The following FANCA variants were observed in gnomAD, a reference collection of about 807,000 sequenced individuals.
FANCA encodes FA complementation group A.
FANCA carries 236 observed loss-of-function variants against 194.3 expected under a neutral mutation model. The ratio of observed to expected loss-of-function variants is 1.21; its 90% CI spans 1.09 to 1.35. The LOEUF is 1.35. Among genes scored for constraint, FANCA ranks in the 40% most tolerant of loss-of-function variants. The pLI is 0.00. For missense variants in FANCA, 2,628 were observed against 1,813.9 expected (o/e 1.45, Z -8.15); for synonymous variants, 1,014 against 715.8 (o/e 1.42, Z -6.65).
intron 2 of FANCA, among the ~76,000 whole-genome samples, chr16:89,815,591 A>G (rs17232105): frequency 8.8e-4 from 134 of 152,152 alleles, no homozygotes; most frequent in African/African-American, 3.1e-3. Flanking sequence ...CCTGACCCTG[A>G]GTGATCCACC....
In FANCA at chr16:89,775,799, G is replaced by T; in HGVS notation, c.1843C>A (p.Pro615Thr). The change falls in exon 21 of 43, where the codon CCA becomes ACA. Residue 615 changes from proline to threonine, a missense_variant. Physicochemically the swap from Pro to Thr is conservative, Grantham distance 38. Transcript: ENST00000389301. Reference sequence around the variant, plus strand: ...TGGCAGTAGGTGGAGTACAGAGATGGGGGGATTTTATCTGCTCTGGATCAC... The same window carrying T: ...TGGCAGTAGGTGGAGTACAGAGATGTGGGGATTTTATCTGCTCTGGATCAC... ...ESLKRADKIPPSLYSTYCQAC... is the reference protein window; with the variant it reads ...ESLKRADKIPTSLYSTYCQAC... 6.2e-7 allele frequency: 1 copy of T among 1,612,084 alleles called. No individual in the cohort carries two copies. The highest frequency in any genetic ancestry group is 8.5e-7 in the Non-Finnish European group (1 of 1,178,938).
intron 30 of FANCA, among the ~76,000 whole-genome samples, chr16:89,755,903 A>G (rs1410559711): frequency 6.6e-6 from 1 of 150,454 alleles, no homozygotes; most frequent in Non-Finnish European, 1.5e-5. Context: ...CACCTAGGCC[A>G]CACGGCACGG....
intron 11 of FANCA, among the ~76,000 whole-genome samples, chr16:89,793,731 C>A: frequency 6.6e-6 from 1 of 152,000 alleles, no homozygotes; most frequent in Admixed American, 6.6e-5. Context: ...CAGGCGTGTG[C>A]CACCATACCC....
In FANCA at chr16:89,773,276, C is replaced by T. The variant is rs537923341; in HGVS notation, c.2009G>A (p.Arg670His). ...GAGCTCCCATCCATCCTCACCATCA[C>T]GCTGGCTGGGGTCTGTCATGGAGGC... is the stretch of plus-strand genomic sequence containing the variant. ...LRASMTDPSQ[R>H]DVISAQVAVI... Residue 670 changes from arginine to histidine, a missense_variant, in exon 22 of 43, where the codon CGT becomes CAT. Physicochemically the swap from Arg to His is conservative, Grantham distance 29 (BLOSUM62 0). Coordinates refer to ENST00000389301, the MANE Select transcript of FANCA (RefSeq NM_000135.4). 8 of 1,550,186 alleles carry T rather than the reference C, an allele frequency of 5.2e-6. No individual in the cohort carries two copies. In the Admixed American group the frequency reaches 5.9e-5, roughly 11 times the overall value.
At chr16:89,805,762 CTTCT>C (rs1252502297) in intron 6 of FANCA, among the ~76,000 whole-genome samples, 2 of 119,516 alleles carry the variant, frequency 1.7e-5, no homozygotes, top group African/African-American at 3.9e-5. Flanking sequence ...TCCCTTGTGA[CTTCT>C]TTGACTCATT....
chr16:89,749,896 C>T lies in FANCA; in HGVS notation c.3073G>A (p.Val1025Ile). The change falls in exon 32 of 43, where the codon GTA becomes ATA. Residue 1025 changes from valine (V) to isoleucine (I), a missense_variant. Transcript: ENST00000389301. ...TCTTGCTGCAGCTCCAGGTCAGCTA[C>T]CATCTCCTGAAAAAGAGCAGTATGC... Reference protein sequence around the residue: ...EDIISRLQEMVADLELQQDLI... With the variant: ...EDIISRLQEMIADLELQQDLI... 1 of 1,614,070 alleles carries T rather than the reference C, an allele frequency of 6.2e-7. No individual in the cohort carries two copies. Among genetic ancestry groups the T allele is most frequent in the Non-Finnish European group, 8.5e-7 (1 of 1,180,006 alleles).
Position 89,791,156 on chromosome 16 carries a change from A to G in FANCA, c.1359+247T>C, listed in dbSNP as rs991334769. The G allele has an allele frequency of 2.8e-5, 16 of 564,196 alleles. No individual in the cohort carries two copies. In the African/African-American group the frequency reaches 2.8e-4, roughly 10 times the overall value. The allele number at this position is 564,196 out of a possible 1,614,324, so 34.9% of individuals were successfully genotyped here. A position where few individuals can be genotyped will look rare whatever the true frequency, so the allele number is the denominator to read the frequency against. On this transcript the variant is annotated intron_variant, in intron 14 of 42. Coordinates refer to ENST00000389301, the MANE Select transcript of FANCA (RefSeq NM_000135.4). The stretch of plus-strand genomic sequence containing the variant: ...AAGTGAGACAGAAACCAGGGGAAGG[A>G]GCTGAGGCCCCGACAGGGAGAACCC...
chr16:89,739,179 C>A lies in FANCA; in HGVS notation c.4121G>T (p.Ser1374Ile), dbSNP rs1254151716. 3.7e-6 allele frequency: 6 copies of A among 1,614,038 alleles called. No homozygotes were observed. In the African/African-American group the frequency reaches 5.3e-5, roughly 14 times the overall value. ...LVQLFVAGDT[S>I]TVSPPAGRSL... is the part of the protein sequence containing the mutation. ...CCTGCCAGCTGGAGGTGAAACTGTG[C>A]TTGTATCCCCAGCCACGAAGAGCTG... is the stretch of plus-strand genomic sequence containing the variant. The change falls in exon 41 of 43, where the codon AGC becomes ATC. Residue 1374 changes from serine to isoleucine, a missense_variant. Coordinates refer to ENST00000389301, the MANE Select transcript of FANCA (RefSeq NM_000135.4).
intron 6 of FANCA, among the ~76,000 whole-genome samples, chr16:89,806,596 C>T (rs1425420333): frequency 6.6e-6 from 1 of 152,028 alleles, no homozygotes; most frequent in African/African-American, 2.4e-5. Context: ...CAAAGCATAT[C>T]TTGCACCGCC....
chr16:89,746,872 C>T lies in FANCA; in HGVS notation c.3367G>A (p.Gly1123Arg), dbSNP rs1437529209. Residue 1123 changes from glycine to arginine, a missense_variant, in exon 34 of 43, where the codon GGA becomes AGA. Gly to Arg is a moderately radical substitution (Grantham distance 125). Transcript: ENST00000389301. ...NSEMRNFCSH[G>R]GALTQDITAH... ...GTGATGTCCTGTGTCAGGGCACCTC[C>T]GTGGGAGCAGAAGTTTCTCTGCAAA... 13 of 1,558,772 alleles carry T rather than the reference C, an allele frequency of 8.3e-6. No homozygotes were observed. The East Asian group carries it at 1.7e-4, about 20-fold the overall frequency.
At position 89,791,931 on chromosome 16, in the gene FANCA, A is replaced by C. The variant is rs780963734; in HGVS notation, c.1221T>G (p.Leu407=). The change falls in exon 13 of 43, where the codon CTT becomes CTG. Residue 407 remains leucine (L), a synonymous_variant. Transcript: ENST00000389301. ...VVCFPEAQQL[L]EDWVARLMAQ... ...CGGGCTCGCGTAAAAGCTCACCTTC[A>C]AGCAGCTGCTGCGCTTCTGGAAAGC... 3.1e-6 allele frequency: 5 copies of C among 1,613,968 alleles called. No homozygotes were observed. The East Asian group carries it at 1.1e-4, about 36-fold the overall frequency.
At chr16:89,797,819 T>C (rs1419451504) in intron 10 of FANCA, among the ~76,000 whole-genome samples, 1 of 151,610 alleles carries the variant, frequency 6.6e-6, no homozygotes, top group Non-Finnish European at 1.5e-5. Flanking sequence ...TGATTGAACC[T>C]GGGAGGCAGA....
chr16:89,758,160 AGTT>A lies in FANCA; in HGVS notation c.2981+414_2981+416del, dbSNP rs2038825748. Among the ~76,000 whole-genome samples, 3 of 152,158 alleles carry A rather than the reference AGTT, an allele frequency of 2.0e-5. No individual in the cohort carries two copies. In the South Asian group the frequency reaches 6.2e-4, roughly 32 times the overall value. On this transcript the variant is annotated intron_variant, in intron 30 of 42. Transcript: ENST00000389301. ...GTGTGAGCCACCACGCCCAGCCCGA[AGTT>A]GTCGCTTCTGACAAGTCTATACACA...
Position 89,773,335 on chromosome 16 carries a change from C to A in FANCA, c.1950G>T (p.Leu650=), listed in dbSNP as rs1019572431. Residue 650 remains leucine (L), a synonymous_variant, in exon 22 of 43, where the codon CTG becomes CTT. Transcript: ENST00000389301. The part of the protein sequence containing the change: ...RAEPNSAEEP[L]GQLTAALGEL... ...CTCCCAGTGCAGCTGTGAGCTGTCC[C>A]AGGGGCTCCTCAGCAGAGTTGGGTT... 2 of 1,551,626 alleles carry A rather than the reference C, an allele frequency of 1.3e-6. No individual in the cohort carries two copies. The highest frequency in any genetic ancestry group is 1.7e-6 in the Non-Finnish European group (2 of 1,146,990).
At chr16:89,799,694 A>G (rs2143586121) in intron 8 of FANCA, 56 bp from the exon 9 acceptor site, 2 of 1,343,822 alleles carry the variant, frequency 1.5e-6, no homozygotes, top group East Asian at 2.3e-5. Context: ...TTTGTGTGAT[A>G]CCTGCATCAC....
In FANCA at chr16:89,740,818, G is replaced by A. The variant is rs2062114648; in HGVS notation, c.3814C>T (p.His1272Tyr). ...FFSLMGLLSS[H>Y]LTSNSTTDLP... ...GTCTGACTTACATTTGAGGTCAGAT[G>A]TGACGACAGCAGGCCCATCAAGGAG... is the stretch of plus-strand genomic sequence containing the variant. Residue 1272 changes from histidine (H) to tyrosine (Y), a missense_variant, in exon 38 of 43, where the codon CAT becomes TAT. Physicochemically the swap from His to Tyr is moderately conservative, Grantham distance 83. Transcript: ENST00000389301. The A allele has an allele frequency of 6.2e-7, 1 of 1,613,654 alleles. No individual in the cohort carries two copies. Among genetic ancestry groups the A allele is most frequent in the Non-Finnish European group, 8.5e-7 (1 of 1,179,754 alleles).
intron 11 of FANCA, chr16:89,792,866 G>A (rs554941651): frequency 5.4e-6 from 2 of 373,110 alleles, no homozygotes; most frequent in Non-Finnish European, 1.0e-5. Context: ...ACTGGATAGG[G>A]GGCCCTTCCC....
intron 6 of FANCA, among the ~76,000 whole-genome samples, chr16:89,806,750 T>C (rs181094105): frequency 6.6e-6 from 1 of 152,314 alleles, no homozygotes; most frequent in African/African-American, 2.4e-5. Flanking sequence ...TGTCTACTTC[T>C]TTCTACACAG....
chr16:89,803,746 C>A (rs569807657), intron 7 of FANCA, among the ~76,000 whole-genome samples: 3 of 151,730 alleles, frequency 2.0e-5, no homozygotes, highest in African/African-American at 7.3e-5. Flanking sequence ...CTCAGCCTCA[C>A]CAGTAGCTGG....
Sources: allele counts gnomAD v4.1 joint callset (sites outside exome capture counted in the v4.1 genomes callset), GRCh38; gene constraint gnomAD v4.1.1; transcripts MANE v1.5; gene names NCBI Gene and HGNC (gene_info 2026-07-23, HGNC 2026-07-21).